The following ANO3 variants were observed in gnomAD, a reference collection of about 807,000 sequenced individuals.
ANO3 encodes anoctamin 3, also known as anoctamin-3.
ANO3 carries 99 observed loss-of-function variants against 144.8 expected under a neutral mutation model. That is an observed-to-expected ratio of 0.68 (90% CI 0.58 to 0.81). ANO3 has a LOEUF of 0.81. ANO3 is among the 30% of genes least tolerant of loss of function. The pLI is 0.00. For missense variants in ANO3, 905 were observed against 1,202.2 expected, an observed-to-expected ratio of 0.75 and a Z score of 3.66; for synonymous variants, 414 against 392.6, an observed-to-expected ratio of 1.05 and a Z score of -0.64.
intron 1 of ANO3, among the ~76,000 whole-genome samples, chr11:26,343,995 TC>T (rs1284884975): frequency 1.3e-5 from 2 of 152,216 alleles, no homozygotes; most frequent in African/African-American, 4.8e-5. Context: ...TCCTTATTGT[TC>T]AGTTCTTAGG....
chr11:26,299,747 G>T (rs1351419507), intron 1 of ANO3, among the ~76,000 whole-genome samples: 1 of 152,130 alleles, frequency 6.6e-6, no homozygotes, highest in East Asian at 1.9e-4. Flanking sequence ...CCTGAAGTAG[G>T]AGTGAGGGAT....
chr11:26,236,310 G>T (rs2133806804), intron 1 of ANO3, among the ~76,000 whole-genome samples: 1 of 152,194 alleles, frequency 6.6e-6, no homozygotes, highest in Middle Eastern at 3.4e-3. Context: ...AGATAGTTTT[G>T]CTGGCTATTG....
chr11:26,320,306 T>C (rs1390353256), intron 1 of ANO3, among the ~76,000 whole-genome samples: 3 of 152,188 alleles, frequency 2.0e-5, no homozygotes, highest in Non-Finnish European at 4.4e-5. Flanking sequence ...GCTTCCCAAG[T>C]CTTGCGCAAA....
intron 1 of ANO3, among the ~76,000 whole-genome samples, chr11:26,314,735 A>T (rs1233051690): frequency 6.6e-6 from 1 of 152,232 alleles, no homozygotes; most frequent in Admixed American, 6.5e-5. Context: ...CTCAGGAAAC[A>T]TAATAAATAT....
At chr11:26,281,769 G>T (rs1310991984) in intron 1 of ANO3, among the ~76,000 whole-genome samples, 3 of 152,166 alleles carry the variant, frequency 2.0e-5, no homozygotes, top group Non-Finnish European at 4.4e-5. Context: ...GTTCCTGAAA[G>T]TACTGCTTGA....
intron 5 of ANO3, among the ~76,000 whole-genome samples, chr11:26,509,093 A>C (rs184313114): frequency 3.3e-3 from 435 of 132,070 alleles, no homozygotes; most frequent in African/African-American, 8.9e-3. Flanking sequence ...ACACACATCT[A>C]TCTCTCTCTC....
chr11:26,574,127 C>T (rs1413428536), intron 14 of ANO3, among the ~76,000 whole-genome samples: 2 of 152,134 alleles, frequency 1.3e-5, no homozygotes, highest in Non-Finnish European at 1.5e-5. Context: ...TTTTTTGGTA[C>T]TTACCCACTA....
At chr11:26,472,951 G>A (rs1859835358) in intron 4 of ANO3, among the ~76,000 whole-genome samples, 1 of 151,862 alleles carries the variant, frequency 6.6e-6, no homozygotes, top group Admixed American at 6.6e-5. Context: ...ACTAATTCTT[G>A]TTTTGTTTGT....
At chr11:26,389,431 T>C (rs1231100733) in intron 1 of ANO3, among the ~76,000 whole-genome samples, 2 of 151,978 alleles carry the variant, frequency 1.3e-5, no homozygotes, top group African/African-American at 4.8e-5. Flanking sequence ...ACTAACTGAA[T>C]GAATGAAAGA....
chr11:26,559,851 C>CAT lies in ANO3; in HGVS notation c.1447+73_1447+74insTA, dbSNP rs138818641. The stretch of plus-strand genomic sequence containing the variant: ...TTTCTGTGTTACACACACACACACA[C>CAT]ACACACACACACACACACACACACC... On this transcript the variant is annotated intron_variant, in intron 14 of 26. Transcript: ENST00000256737. The CAT allele has an allele frequency of 0.061, 52,918 of 863,900 alleles. 1,408 individuals carry two copies. Among genetic ancestry groups the CAT allele is most frequent in the African/African-American group, 0.16 (9,753 of 59,150 alleles). 53.5% of individuals were successfully genotyped at this position (863,900 alleles called of 1,614,324 possible). A position where few individuals can be genotyped will look rare whatever the true frequency, so the allele number is the denominator to read the frequency against.
chr11:26,286,744 C>A (rs1853816491), intron 1 of ANO3, among the ~76,000 whole-genome samples: 1 of 152,142 alleles, frequency 6.6e-6, no homozygotes. Context: ...AAGATAGACA[C>A]AAAGCTCCTC....
chr11:26,324,371 C>T (rs2133881839), intron 1 of ANO3, among the ~76,000 whole-genome samples: 1 of 152,206 alleles, frequency 6.6e-6, no homozygotes, highest in South Asian at 2.1e-4. Context: ...TTGTACATTG[C>T]CTGCCAGATG....
chr11:26,448,329 A>G (rs1858786447), intron 3 of ANO3, among the ~76,000 whole-genome samples: 1 of 150,650 alleles, frequency 6.6e-6, no homozygotes, highest in Non-Finnish European at 1.5e-5. Flanking sequence ...AGAAATATTT[A>G]GGGCTCACTA....
intron 9 of ANO3, among the ~76,000 whole-genome samples, chr11:26,535,367 C>T (rs1359963739): frequency 6.6e-6 from 1 of 152,004 alleles, no homozygotes; most frequent in East Asian, 1.9e-4. Context: ...TTACATAGAG[C>T]TGAGCAGAAA....
At chr11:26,491,744 T>A (rs907365959) in intron 4 of ANO3, among the ~76,000 whole-genome samples, 1 of 152,246 alleles carries the variant, frequency 6.6e-6, no homozygotes, top group African/African-American at 2.4e-5. Flanking sequence ...AATAGTTGAA[T>A]TTTTACCTAC....
At chr11:26,398,038 G>C (rs542764239) in intron 1 of ANO3, among the ~76,000 whole-genome samples, 12 of 151,828 alleles carry the variant, frequency 7.9e-5, no homozygotes, top group Non-Finnish European at 1.8e-4. Flanking sequence ...GGAAATAAAA[G>C]TGCTATATAG....
At chr11:26,282,006 C>T (rs1030315377) in intron 1 of ANO3, among the ~76,000 whole-genome samples, 6 of 152,218 alleles carry the variant, frequency 3.9e-5, no homozygotes, top group East Asian at 1.9e-4. Context: ...TACTTTGCAC[C>T]GACACACTGT....
chr11:26,470,000 T>G (rs958261627), intron 4 of ANO3, among the ~76,000 whole-genome samples: 2 of 151,960 alleles, frequency 1.3e-5, no homozygotes, highest in African/African-American at 4.8e-5. Flanking sequence ...ATATGTACAT[T>G]GAGCCAAATT....
chr11:26,283,333 T>TATATATATATATAC, intron 1 of ANO3, among the ~76,000 whole-genome samples: 1 of 73,904 alleles, frequency 1.4e-5, no homozygotes, highest in African/African-American at 5.1e-5. Flanking sequence ...TATATATATA[T>TATATATATATATAC]ATATATATAT....
Sources: allele counts gnomAD v4.1 joint callset (sites outside exome capture counted in the v4.1 genomes callset), GRCh38; gene constraint gnomAD v4.1.1; transcripts MANE v1.5; gene names NCBI Gene and HGNC (gene_info 2026-07-23, HGNC 2026-07-21).